The following CPEB1 variants were observed in gnomAD, a reference collection of about 807,000 sequenced individuals.
The protein encoded by CPEB1 is cytoplasmic polyadenylation element binding protein 1.
Under a neutral mutation model 65.8 loss-of-function variants are expected in CPEB1, and 7 were observed. That is an observed-to-expected ratio of 0.11 (90% CI 0.06 to 0.20). The LOEUF (loss-of-function observed/expected upper bound fraction) is 0.20. Ranked by LOEUF, CPEB1 falls within the 10% of genes least tolerant of loss-of-function variation. The probability of loss-of-function intolerance (pLI) is 1.00; values close to 1 mark genes in which losing one functional copy is unlikely to be tolerated. For synonymous variants in CPEB1, 262 were observed against 260.0 expected (o/e 1.01, Z -0.08); for missense variants, 551 against 712.2 (o/e 0.77, Z 2.58).
chr15:82,646,358 G>A lies in CPEB1; in HGVS notation c.-98+779C>T, dbSNP rs1445412088. ...AGCCCAGTAGTTGACTCAGGTGCCA[G>A]GAGAGAGCGCGGGGAGGCTGGGCGG... On this transcript the variant is annotated intron_variant, in intron 1 of 12. Coordinates refer to ENST00000684509, the MANE Select transcript of CPEB1 (RefSeq NM_001365242.1). Among the ~76,000 whole-genome samples the A allele has an allele frequency of 1.1e-4, 17 of 152,326 alleles. No individual in the cohort carries two copies. In the South Asian group the frequency reaches 2.9e-3, roughly 26 times the overall value.
At chr15:82,546,667 A>G in intron 11 of CPEB1, 146 bp from the exon 12 acceptor site, 2 of 675,980 alleles carry the variant, frequency 3.0e-6, no homozygotes, top group East Asian at 5.4e-5. Flanking sequence ...GGAGGCTTGG[A>G]GAGAATTATG....
chr15:82,620,874 G>C (rs1432068702), intron 3 of CPEB1, among the ~76,000 whole-genome samples: 2 of 152,162 alleles, frequency 1.3e-5, no homozygotes, highest in East Asian at 1.9e-4. Flanking sequence ...GGGAATTTTG[G>C]TGTATTCTTA....
At chr15:82,580,651 T>C (rs2041191340) in intron 3 of CPEB1, among the ~76,000 whole-genome samples, 1 of 152,156 alleles carries the variant, frequency 6.6e-6, no homozygotes. Context: ...AGCTAAAATT[T>C]TGTACCATTA....
chr15:82,646,490 G>C (rs1218324974), intron 1 of CPEB1, among the ~76,000 whole-genome samples: 1 of 152,138 alleles, frequency 6.6e-6, no homozygotes, highest in Admixed American at 6.5e-5. Flanking sequence ...CCTCCCAGGC[G>C]GGCCTGGCGG....
chr15:82,629,508 T>G (rs560796302), intron 1 of CPEB1: 6 of 985,266 alleles, frequency 6.1e-6, no homozygotes, highest in Non-Finnish European at 7.2e-6. Flanking sequence ...TGGTATTCCC[T>G]ATCTCGGTAA....
chr15:82,602,506 G>A (rs371435660), intron 3 of CPEB1, among the ~76,000 whole-genome samples: 2 of 152,074 alleles, frequency 1.3e-5, no homozygotes, highest in East Asian at 1.9e-4. Context: ...GTATGATTGT[G>A]CCACTACCTT....
intron 3 of CPEB1, among the ~76,000 whole-genome samples, chr15:82,588,038 C>G (rs2041940155): frequency 6.6e-6 from 1 of 152,162 alleles, no homozygotes; most frequent in African/African-American, 2.4e-5. Context: ...CCTCCCACCT[C>G]AGCCCCTGGA....
chr15:82,576,021 C>T (rs1163500099), intron 3 of CPEB1, among the ~76,000 whole-genome samples: 1 of 152,182 alleles, frequency 6.6e-6, no homozygotes, highest in East Asian at 1.9e-4. Context: ...AATAAAACAC[C>T]TGTGCAAGAA....
intron 11 of CPEB1, 47 bp from the exon 12 acceptor site, chr15:82,546,568 A>G: frequency 1.5e-6 from 2 of 1,376,610 alleles, no homozygotes; most frequent in Non-Finnish European, 2.1e-6. Flanking sequence ...TCTTACCAGG[A>G]GGCTCGATAG....
chr15:82,599,462 A>T (rs2042924336), intron 3 of CPEB1, among the ~76,000 whole-genome samples: 1 of 152,188 alleles, frequency 6.6e-6, no homozygotes, highest in South Asian at 2.1e-4. Flanking sequence ...ATAAAGAGGG[A>T]CATCATCTTA....
At chr15:82,601,995 A>T (rs899532691) in intron 3 of CPEB1, among the ~76,000 whole-genome samples, 6 of 152,232 alleles carry the variant, frequency 3.9e-5, no homozygotes, top group African/African-American at 1.4e-4. Flanking sequence ...TGAAACATCA[A>T]ATTAGTAAAT....
chr15:82,637,183 G>A (rs1395238772), intron 1 of CPEB1, among the ~76,000 whole-genome samples: 2 of 152,148 alleles, frequency 1.3e-5, no homozygotes, highest in Non-Finnish European at 2.9e-5. Context: ...CTTTTTATTT[G>A]TAATGTGAGA....
chr15:82,580,854 T>C (rs2041216623), intron 3 of CPEB1, among the ~76,000 whole-genome samples: 1 of 151,724 alleles, frequency 6.6e-6, no homozygotes, highest in Non-Finnish European at 1.5e-5. Flanking sequence ...AATTTCTTTT[T>C]TTTTTTTCTT....
At chr15:82,627,141 AAGC>A (rs2045847358) in intron 3 of CPEB1, 49 bp downstream of exon 3, 1 of 1,431,318 alleles carries the variant, frequency 7.0e-7, no homozygotes, top group Non-Finnish European at 9.4e-7. Context: ...CACTACTTAG[AAGC>A]AGATCTGTAC....
chr15:82,610,861 G>A (rs576005142), intron 3 of CPEB1, among the ~76,000 whole-genome samples: 3 of 147,134 alleles, frequency 2.0e-5, no homozygotes, highest in Non-Finnish European at 4.5e-5. Context: ...TGGAGGCTGA[G>A]GCAGGAGAAT....
intron 3 of CPEB1, among the ~76,000 whole-genome samples, chr15:82,585,737 C>A (rs1292428643): frequency 6.6e-6 from 1 of 152,118 alleles, no homozygotes; most frequent in Non-Finnish European, 1.5e-5. Context: ...AAAAGATGAT[C>A]ACTTTCACAT....
chr15:82,555,587 C>T (rs2037053530), intron 6 of CPEB1, among the ~76,000 whole-genome samples: 1 of 152,242 alleles, frequency 6.6e-6, no homozygotes, highest in African/African-American at 2.4e-5. Flanking sequence ...CACAGCCAGT[C>T]TCCACGGAAC....
intron 4 of CPEB1, among the ~76,000 whole-genome samples, chr15:82,567,561 G>A (rs931406488): frequency 6.6e-6 from 1 of 151,890 alleles, no homozygotes; most frequent in Non-Finnish European, 1.5e-5. Flanking sequence ...GCTTGAACCC[G>A]GGAGGCAGAG....
intron 3 of CPEB1, 78 bp downstream of exon 3, chr15:82,627,115 G>T: frequency 8.6e-7 from 1 of 1,157,814 alleles, no homozygotes; most frequent in Non-Finnish European, 1.2e-6. Flanking sequence ...GCTTTCCAAG[G>T]AAGACCTCTT....
Sources: allele counts gnomAD v4.1 joint callset (sites outside exome capture counted in the v4.1 genomes callset), GRCh38; gene constraint gnomAD v4.1.1; transcripts MANE v1.5; gene names NCBI Gene and HGNC (gene_info 2026-07-23, HGNC 2026-07-21).